Variants in SLC2A9 observed in about 807,000 individuals in gnomAD.
SLC2A9 encodes the protein solute carrier family 2 member 9, also known as solute carrier family 2, facilitated glucose transporter member 9.
Under a neutral mutation model 50.6 loss-of-function variants are expected in SLC2A9, and 39 were observed. That is an observed-to-expected ratio of 0.77 (90% confidence interval 0.60 to 1.01). SLC2A9 has a LOEUF of 1.01. Among genes scored for constraint, SLC2A9 ranks in the 50% least tolerant of loss-of-function variants. SLC2A9 has a pLI of 0.00. For synonymous variants in SLC2A9, 324 were observed against 276.9 expected (o/e 1.17, Z -1.69); for missense variants, 686 against 677.6 (o/e 1.01, Z -0.14).
chr4:9,799,692 A>ACCCACCCCCC (rs59100769), intron 3 of SLC2A9, among the ~76,000 whole-genome samples: 1 of 69,810 alleles, frequency 1.4e-5, no homozygotes, highest in African/African-American at 5.7e-5. Context: ...TTCCAATTGT[A>ACCCACCCCCC]CCCCCCCCCC....
At chr4:9,889,563 C>T (rs1402792093) in intron 9 of SLC2A9, among the ~76,000 whole-genome samples, 3 of 152,204 alleles carry the variant, frequency 2.0e-5, no homozygotes, top group Non-Finnish European at 4.4e-5. Context: ...GAAGGCAATG[C>T]TTCCACCTCC....
intron 6 of SLC2A9, among the ~76,000 whole-genome samples, chr4:9,933,460 T>C (rs1279634900): frequency 6.6e-6 from 1 of 152,158 alleles, no homozygotes; most frequent in Admixed American, 6.5e-5. Context: ...TGTAACCATT[T>C]CCTGGCATCC....
At chr4:9,958,586 C>G (rs188542451) in intron 5 of SLC2A9, among the ~76,000 whole-genome samples, 3 of 152,226 alleles carry the variant, frequency 2.0e-5, no homozygotes, top group East Asian at 3.9e-4. Context: ...CACATGTATA[C>G]CTATGTAACA....
chr4:10,011,163 T>A (rs1463836455), intron 2 of SLC2A9, among the ~76,000 whole-genome samples: 1 of 152,214 alleles, frequency 6.6e-6, no homozygotes, highest in Non-Finnish European at 1.5e-5. Flanking sequence ...AGACCTTGCA[T>A]TTCTTTAGAA....
chr4:9,796,979 A>T (rs1420611694), downstream of SLC2A9, among the ~76,000 whole-genome samples: 1 of 152,198 alleles, frequency 6.6e-6, no homozygotes, highest in East Asian at 1.9e-4. Flanking sequence ...CATGGAAAGG[A>T]GGGAAAACGG....
At chr4:9,900,393 C>A (rs893508078) in intron 8 of SLC2A9, among the ~76,000 whole-genome samples, 3 of 152,072 alleles carry the variant, frequency 2.0e-5, no homozygotes, top group Admixed American at 6.5e-5. Flanking sequence ...GGGTGAGCTG[C>A]AGGAACGGAC....
At chr4:9,918,756 G>A (rs80276213) in intron 7 of SLC2A9, among the ~76,000 whole-genome samples, 1,746 of 152,266 alleles carry the variant, frequency 0.011, 39 homozygotes, top group African/African-American at 0.04. Flanking sequence ...GTCCCACTGA[G>A]ATGGGAAGCC....
intron 10 of SLC2A9, among the ~76,000 whole-genome samples, chr4:9,886,739 A>G (rs1238602061): frequency 1.3e-5 from 2 of 151,938 alleles, no homozygotes; most frequent in African/African-American, 4.8e-5. Flanking sequence ...ATATCATCCC[A>G]TGAGAGAGCA....
chr4:9,886,143 C>G lies in SLC2A9; in HGVS notation c.1291+1424G>C, dbSNP rs554891346. Among the ~76,000 whole-genome samples the G allele has an allele frequency of 9.9e-5, 15 of 152,230 alleles. No homozygotes were observed. The South Asian group carries it at 2.3e-3, about 23-fold the overall frequency. Reference sequence around the variant, plus strand: ...TGACATCTCAGAGGGGACTTCCACACCAGAGGCAAGCCCCTCTGGGAGCAG... The same window carrying G: ...TGACATCTCAGAGGGGACTTCCACAGCAGAGGCAAGCCCCTCTGGGAGCAG... On this transcript the variant is annotated intron_variant, in intron 10 of 11. Coordinates refer to ENST00000264784, the MANE Select transcript of SLC2A9 (RefSeq NM_020041.3).
intron 1 of SLC2A9, chr4:9,771,495 A>T (rs1282823945): frequency 2.5e-6 from 1 of 398,856 alleles, no homozygotes; most frequent in Admixed American, 4.4e-5. Context: ...ACTGCCAAAG[A>T]GTCTGGGAAG....
At chr4:9,973,563 G>C (rs1390860814) in intron 5 of SLC2A9, among the ~76,000 whole-genome samples, 1 of 151,966 alleles carries the variant, frequency 6.6e-6, no homozygotes, top group Non-Finnish European at 1.5e-5. Flanking sequence ...CCTTTGTAGG[G>C]ACATGGATGA....
rs1364783602 is a variant in SLC2A9 at position 9,835,278 on chromosome 4, C to T, written c.1292-270G>A. 2.0e-5 allele frequency among the ~76,000 whole-genome samples: 3 copies of T among 149,734 alleles called. No homozygotes were observed. The East Asian group carries it at 5.8e-4, about 29-fold the overall frequency. On this transcript the variant is annotated intron_variant, in intron 10 of 11. Transcript: ENST00000264784. ...AGTCACCACCACAACCCAAGCCAAC[C>T]CTACACATTTCCAAACTCACATGTG...
chr4:9,915,405 T>C (rs1742685430), intron 7 of SLC2A9, among the ~76,000 whole-genome samples: 1 of 152,142 alleles, frequency 6.6e-6, no homozygotes, highest in East Asian at 1.9e-4. Flanking sequence ...GTCCAGCTAA[T>C]TTTCTATTTT....
At chr4:9,808,077 G>A (rs1278625272) in intron 3 of SLC2A9, among the ~76,000 whole-genome samples, 2 of 152,326 alleles carry the variant, frequency 1.3e-5, no homozygotes, top group East Asian at 3.9e-4. Context: ...TCTGGGCTGG[G>A]TGGCTGGCTC....
intron 5 of SLC2A9, among the ~76,000 whole-genome samples, chr4:9,946,523 G>A (rs1327573118): frequency 6.6e-6 from 1 of 152,210 alleles, no homozygotes; most frequent in African/African-American, 2.4e-5. Flanking sequence ...CAGCAAAAGG[G>A]CTCCAGAAGT....
chr4:9,900,997 A>G (rs1739499758), intron 8 of SLC2A9, among the ~76,000 whole-genome samples: 1 of 152,216 alleles, frequency 6.6e-6, no homozygotes, highest in African/African-American at 2.4e-5. Flanking sequence ...AACCATATCA[A>G]CGAGAGTCCA....
chr4:9,852,353 C>T (rs1012029680), intron 10 of SLC2A9, among the ~76,000 whole-genome samples: 17 of 151,876 alleles, frequency 1.1e-4, no homozygotes, highest in South Asian at 2.1e-4. Flanking sequence ...CCCGGGTTCA[C>T]GCCATTCTCC....
intron 3 of SLC2A9, among the ~76,000 whole-genome samples, chr4:9,988,216 A>G (rs1757074046): frequency 6.6e-6 from 1 of 152,228 alleles, no homozygotes; most frequent in South Asian, 2.1e-4. Flanking sequence ...GTCAGATCCT[A>G]GCATATTTTG....
At chr4:9,918,934 C>G (rs1260556821) in intron 7 of SLC2A9, among the ~76,000 whole-genome samples, 2 of 152,108 alleles carry the variant, frequency 1.3e-5, no homozygotes, top group African/African-American at 4.8e-5. Flanking sequence ...GATTTTTTTT[C>G]AACAGGTGCT....
Sources: allele counts gnomAD v4.1 joint callset (sites outside exome capture counted in the v4.1 genomes callset), GRCh38; gene constraint gnomAD v4.1.1; transcripts MANE v1.5; gene names NCBI Gene and HGNC (gene_info 2026-07-23, HGNC 2026-07-21).